The following TM7SF3 variants were observed in gnomAD, a reference collection of about 807,000 sequenced individuals.
TM7SF3 encodes seven span transmembrane protein.
In TM7SF3, 60 loss-of-function variants were observed where a neutral mutation model predicts 65.5. The observed-to-expected ratio is 0.92, with a 90% CI of 0.74 to 1.14. The LOEUF (loss-of-function observed/expected upper bound fraction) is 1.14. Ranked by LOEUF, TM7SF3 falls within the 50% of genes most tolerant of loss-of-function variation. The probability of loss-of-function intolerance (pLI) is 0.00; values close to 1 mark genes in which losing one functional copy is unlikely to be tolerated. For synonymous variants in TM7SF3, 264 were observed against 259.6 expected (o/e 1.02, Z -0.16); for missense variants, 623 against 684.8 (o/e 0.91, Z 1.01).
chr12:27,009,200 C>A (rs1941154077), intron 1 of TM7SF3, among the ~76,000 whole-genome samples: 1 of 152,134 alleles, frequency 6.6e-6, no homozygotes. Context: ...TTTGTTCTTC[C>A]TCCTCAAATT....
rs1941235204 is a variant in TM7SF3 at position 27,011,284 on chromosome 12, C to G, written c.91+2794G>C. Among the ~76,000 whole-genome samples, 3 of 152,222 alleles carry G rather than the reference C, an allele frequency of 2.0e-5. No homozygotes were observed. The South Asian group carries it at 6.2e-4, about 32-fold the overall frequency. On this transcript the variant is annotated intron_variant, in intron 1 of 11. Coordinates refer to ENST00000343028, the MANE Select transcript of TM7SF3 (RefSeq NM_016551.3). ...AGAAGACTGAAAGGCCCAAATGATG[C>G]TGTGCTCAAGTCCAATTACTATGAA...
chr12:26,980,108 T>C (rs1218642296), intron 8 of TM7SF3, 172 bp from the exon 9 acceptor site: 2 of 728,222 alleles, frequency 2.7e-6, no homozygotes, highest in Non-Finnish European at 4.4e-6. Flanking sequence ...TAGGGAGGGG[T>C]CTGGGCTGAG....
intron 9 of TM7SF3, chr12:26,978,093 C>T (rs771292560): frequency 4.4e-6 from 2 of 452,414 alleles, no homozygotes; most frequent in South Asian, 3.1e-5. Context: ...GAGATCCTGT[C>T]TCTAAAAAAT....
At chr12:26,995,051 A>C (rs1940532235) in intron 5 of TM7SF3, among the ~76,000 whole-genome samples, 186 bp downstream of exon 5, 1 of 152,238 alleles carries the variant, frequency 6.6e-6, no homozygotes, top group African/African-American at 2.4e-5. Context: ...GCATCTCCTC[A>C]AAGGCCAACA....
chr12:26,980,276 G>C (rs1218841513), intron 8 of TM7SF3: 2 of 523,102 alleles, frequency 3.8e-6, no homozygotes, highest in Non-Finnish European at 6.7e-6. Context: ...TCAACATTTT[G>C]CTTGTTGTAC....
intron 7 of TM7SF3, among the ~76,000 whole-genome samples, chr12:26,980,867 C>G (rs936566765): frequency 6.6e-6 from 1 of 152,040 alleles, no homozygotes; most frequent in Admixed American, 6.6e-5. Flanking sequence ...TATTAAAGTA[C>G]CAACTACAGG....
At chr12:26,974,248 TAC>T in intron 11 of TM7SF3, 21 bp from the exon 12 acceptor site, 1 of 1,608,524 alleles carries the variant, frequency 6.2e-7, no homozygotes, top group South Asian at 1.1e-5. Flanking sequence ...GTAGAAAAAG[TAC>T]AGTTTGAACT....
At chr12:26,975,163 C>G (rs186002810) in intron 11 of TM7SF3, among the ~76,000 whole-genome samples, 1 of 152,332 alleles carries the variant, frequency 6.6e-6, no homozygotes, top group East Asian at 1.9e-4. Context: ...TCATTCTCAT[C>G]CCTTATTCCA....
intron 4 of TM7SF3, 36 bp from the exon 5 acceptor site, chr12:26,995,444 TG>T: frequency 6.2e-7 from 1 of 1,611,042 alleles, no homozygotes; most frequent in Non-Finnish European, 8.5e-7. Flanking sequence ...ATCAGTCTCT[TG>T]TGGTGCAAGT....
rs371886936 is a variant in TM7SF3 at position 27,003,309 on chromosome 12, A to G, written c.173T>C (p.Ile58Thr). The G allele has an allele frequency of 2.5e-6, 4 of 1,613,706 alleles. No homozygotes were observed. Among genetic ancestry groups the G allele is most frequent in the South Asian group, 2.2e-5 (2 of 91,058 alleles). The change falls in exon 2 of 12, where the codon ATT (isoleucine) becomes ACT (threonine). Residue 58 changes from isoleucine (I) to threonine (T), a missense_variant. Transcript: ENST00000343028. ...PFPEEAILHD[I>T]SSNVTFLIFQ... Reference sequence around the variant, plus strand: ...AATAAGAAAAGTCACATTGCTTGAAATATCATGCAAAATAGCTTCCTCTGG... The same window carrying G: ...AATAAGAAAAGTCACATTGCTTGAAGTATCATGCAAAATAGCTTCCTCTGG...
intron 9 of TM7SF3, chr12:26,978,418 A>G (rs1252692980): frequency 1.3e-5 from 2 of 152,774 alleles, no homozygotes; most frequent in African/African-American, 4.8e-5. Context: ...TGACAGAGCC[A>G]GAATGCATAT....
At chr12:27,006,295 G>A (rs976503248) in intron 1 of TM7SF3, among the ~76,000 whole-genome samples, 7 of 151,282 alleles carry the variant, frequency 4.6e-5, no homozygotes, top group African/African-American at 1.2e-4. Flanking sequence ...GTGCCACCAC[G>A]CTCGGCTAAT....
Position 27,006,588 on chromosome 12 carries a change from CTAAA to C in TM7SF3, c.92-3202_92-3199del, listed in dbSNP as rs377498862. Among the ~76,000 whole-genome samples, 961 of 152,236 alleles carry C rather than the reference CTAAA, an allele frequency of 6.3e-3. 7 individuals are homozygous for C. The highest frequency in any genetic ancestry group is 0.022 in the African/African-American group (928 of 41,526). On this transcript the variant is annotated intron_variant, in intron 1 of 11. Coordinates refer to ENST00000343028, the MANE Select transcript of TM7SF3 (RefSeq NM_016551.3). ...AAATATATAATCCTTATAAAAGGTG[CTAAA>C]TAAACAGAAAGTCAACTCCTCCAGC...
At chr12:26,980,453 A>AT in intron 8 of TM7SF3, 113 bp downstream of exon 8, 1 of 672,572 alleles carries the variant, frequency 1.5e-6, no homozygotes, top group Non-Finnish European at 2.6e-6. Context: ...ATTATTTTAC[A>AT]TAAGTAATAG....
chr12:27,014,273 G>C lies in TM7SF3; in HGVS notation c.-105C>G. On this transcript the variant is annotated 5_prime_UTR_variant, in exon 1 of 12. Transcript: ENST00000343028. ...CACGCTATCCCGGGGCGCCCGCATC[G>C]GGCGCCATCGCCCGCCAGGTGCAGA... The C allele has an allele frequency of 9.6e-7, 1 of 1,042,308 alleles. No homozygotes were observed. Among genetic ancestry groups the C allele is most frequent in the Non-Finnish European group, 1.3e-6 (1 of 761,246 alleles). 64.6% of individuals were successfully genotyped at this position (1,042,308 alleles called of 1,614,324 possible). A position where few individuals can be genotyped will look rare whatever the true frequency, so the allele number is the denominator to read the frequency against.
At chr12:27,006,285 G>A (rs1030824162) in intron 1 of TM7SF3, among the ~76,000 whole-genome samples, 2 of 151,262 alleles carry the variant, frequency 1.3e-5, no homozygotes, top group Non-Finnish European at 2.9e-5. Context: ...TTACAGGCAT[G>A]TGCCACCACG....
chr12:26,991,972 T>C (rs867150090), intron 5 of TM7SF3, among the ~76,000 whole-genome samples: 1 of 152,152 alleles, frequency 6.6e-6, no homozygotes, highest in African/African-American at 2.4e-5. Context: ...GTAGATCTGA[T>C]TCTTAGGTCA....
chr12:26,999,447 T>G (rs1276405176), intron 3 of TM7SF3, 79 bp downstream of exon 3: 1 of 1,439,940 alleles, frequency 6.9e-7, no homozygotes, highest in South Asian at 1.2e-5. Context: ...ACAATCTCAA[T>G]AGGATAATTT....
intron 6 of TM7SF3, among the ~76,000 whole-genome samples, chr12:26,985,816 T>G (rs1415942199): frequency 9.5e-6 from 1 of 104,922 alleles, no homozygotes; most frequent in Non-Finnish European, 1.9e-5. Context: ...GTTTTTTTTT[T>G]TTTTTTTTTT....
Sources: gnomAD v4.1 joint callset for allele counts (sites outside exome capture counted in the v4.1 genomes callset) on GRCh38, gnomAD v4.1.1 for gene constraint, MANE v1.5 for transcripts, NCBI Gene and HGNC (gene_info 2026-07-23, HGNC 2026-07-21) for gene names.